Variants in NAA16 observed in about 807,000 individuals in gnomAD.
The protein encoded by NAA16 is N-alpha-acetyltransferase 16, NatA auxiliary subunit.
A neutral mutation model predicts 110.3 loss-of-function variants in NAA16; 97 were observed. The observed-to-expected ratio is 0.88, with a 90% CI of 0.75 to 1.04. NAA16 has a LOEUF of 1.04. Among genes scored for constraint, NAA16 ranks in the 50% least tolerant of loss-of-function variants. The probability of loss-of-function intolerance (pLI) is 0.00; values close to 1 mark genes in which losing one functional copy is unlikely to be tolerated. For synonymous variants in NAA16, 372 were observed against 330.6 expected (o/e 1.13, Z -1.36); for missense variants, 1,017 against 1,005.1 (o/e 1.01, Z -0.16).
chr13:41,321,264 T>G (rs1490607352), intron 4 of NAA16, among the ~76,000 whole-genome samples: 1 of 152,060 alleles, frequency 6.6e-6, no homozygotes, highest in Non-Finnish European at 1.5e-5. Flanking sequence ...GCTACTGCAC[T>G]CCAGCCTGGG....
chr13:41,363,627 T>A (rs2043155722), intron 13 of NAA16, among the ~76,000 whole-genome samples: 1 of 152,156 alleles, frequency 6.6e-6, no homozygotes, highest in African/African-American at 2.4e-5. Context: ...GGAAAAAAAT[T>A]CTGTAATGTC....
chr13:41,356,424 A>G (rs537458897), intron 10 of NAA16, among the ~76,000 whole-genome samples: 1 of 137,908 alleles, frequency 7.3e-6, no homozygotes, highest in African/African-American at 2.8e-5. Flanking sequence ...AAGTCATCGC[A>G]GTGCCATGTC....
chr13:41,321,445 G>C (rs2041944827), intron 4 of NAA16, among the ~76,000 whole-genome samples: 1 of 152,062 alleles, frequency 6.6e-6, no homozygotes, highest in Admixed American at 6.6e-5. Flanking sequence ...CCAAAGTTCT[G>C]GGATTACAGG....
intron 9 of NAA16, among the ~76,000 whole-genome samples, chr13:41,342,543 G>T (rs1424033164): frequency 6.6e-6 from 1 of 152,084 alleles, no homozygotes; most frequent in Non-Finnish European, 1.5e-5. Context: ...TTTTGATTGG[G>T]TCTCAATCCT....
At chr13:41,332,509 A>G (rs1053395788) in intron 8 of NAA16, among the ~76,000 whole-genome samples, 2 of 152,212 alleles carry the variant, frequency 1.3e-5, no homozygotes, top group African/African-American at 4.8e-5. Flanking sequence ...CGTAGACAGT[A>G]TATTAGCTCT....
chr13:41,370,178 A>G (rs2043288210), intron 15 of NAA16, among the ~76,000 whole-genome samples: 1 of 152,240 alleles, frequency 6.6e-6, no homozygotes, highest in South Asian at 2.1e-4. Context: ...TTGAGGGTCC[A>G]GCAAAGGATG....
At chr13:41,354,731 A>G (rs531135500) in intron 9 of NAA16, 1 of 154,734 alleles carries the variant, frequency 6.5e-6, no homozygotes, top group East Asian at 1.9e-4. Flanking sequence ...AGTACAATAC[A>G]ATTATTATAT....
intron 16 of NAA16, 55 bp downstream of exon 16, chr13:41,372,366 T>C (rs1466690393): frequency 1.3e-6 from 2 of 1,514,610 alleles, no homozygotes; most frequent in African/African-American, 2.8e-5. Flanking sequence ...GTGACCATAT[T>C]CAGTGTAATC....
At position 41,314,436 on chromosome 13, in the gene NAA16, T is replaced by C. The variant is rs530658506; in HGVS notation, c.55-2410T>C. Among the ~76,000 whole-genome samples, 3 of 152,108 alleles carry C rather than the reference T, an allele frequency of 2.0e-5. No individual in the cohort carries two copies. The East Asian group carries it at 5.8e-4, about 29-fold the overall frequency. ...TTTAAAATATTTTTGGAATAGGCAGTATATTCACATGGTTCAAAATTTAGG... is the reference window on the plus strand; with the variant it reads ...TTTAAAATATTTTTGGAATAGGCAGCATATTCACATGGTTCAAAATTTAGG... On this transcript the variant is annotated intron_variant, in intron 1 of 19. Transcript: ENST00000379406.
In NAA16 at chr13:41,374,847, T is replaced by G. The variant is rs1408011431; in HGVS notation, c.2397+8T>G. The G allele has an allele frequency of 6.4e-7, 1 of 1,565,776 alleles. No individual in the cohort carries two copies. Among genetic ancestry groups the G allele is most frequent in the Non-Finnish European group, 8.7e-7 (1 of 1,144,112 alleles). ...AAAGATAAAGATGTAAAGGTAAGTTTTTTTTCTTTGGCTGATTTATGCTTA... is the reference window on the plus strand; with the variant it reads ...AAAGATAAAGATGTAAAGGTAAGTTGTTTTTCTTTGGCTGATTTATGCTTA... On this transcript the variant is annotated splice_region_variant and intron_variant, in intron 19 of 19. Coordinates refer to ENST00000379406, the MANE Select transcript of NAA16 (RefSeq NM_024561.5).
At chr13:41,315,127 A>G (rs748762938) in intron 1 of NAA16, among the ~76,000 whole-genome samples, 1 of 152,226 alleles carries the variant, frequency 6.6e-6, no homozygotes, top group Non-Finnish European at 1.5e-5. Flanking sequence ...ATAGAGTAAC[A>G]TGGTAGAGAA....
intron 11 of NAA16, 63 bp downstream of exon 11, chr13:41,358,536 G>GT (rs2043043997): frequency 6.3e-7 from 1 of 1,584,978 alleles, no homozygotes; most frequent in Non-Finnish European, 8.6e-7. Context: ...AATCCTTGGA[G>GT]TTTTTTCTTT....
chr13:41,329,394 C>T (rs1467755725), intron 7 of NAA16, among the ~76,000 whole-genome samples: 1 of 151,602 alleles, frequency 6.6e-6, no homozygotes, highest in Non-Finnish European at 1.5e-5. Flanking sequence ...GTAATATTTT[C>T]ATAATTAAGT....
intron 1 of NAA16, among the ~76,000 whole-genome samples, chr13:41,315,867 T>C (rs1479086894): frequency 6.6e-6 from 1 of 152,028 alleles, no homozygotes; most frequent in Non-Finnish European, 1.5e-5. Context: ...CCTCGTGGGC[T>C]CAAGTGATCC....
chr13:41,350,132 A>C (rs1243334676), intron 9 of NAA16, among the ~76,000 whole-genome samples: 1 of 151,474 alleles, frequency 6.6e-6, no homozygotes, highest in African/African-American at 2.4e-5. Context: ...TCAGCCAAGT[A>C]CAGTGGCGCA....
rs753057104 is a variant in NAA16, at chr13:41,325,686, A to AT, written c.538-4dup. 44 of 1,527,896 alleles carry AT rather than the reference A, an allele frequency of 2.9e-5. 1 individual carries two copies. Among genetic ancestry groups the AT allele is most frequent in the Middle Eastern group, 1.8e-4 (1 of 5,662 alleles). The allele number at this position is 1,527,896 out of a possible 1,614,324, so 94.6% of individuals were successfully genotyped here. A position where few individuals can be genotyped will look rare whatever the true frequency, so the allele number is the denominator to read the frequency against. Reference sequence around the variant, plus strand: ...ATTATACAAATAAAGTAATTTGGTCATTTTTTTTCAGGTTCCTCCAAACAA... The same window carrying AT: ...ATTATACAAATAAAGTAATTTGGTCATTTTTTTTTCAGGTTCCTCCAAACAA... On this transcript the variant is annotated splice_polypyrimidine_tract_variant and intron_variant, in intron 5 of 19. Transcript: ENST00000379406.
At chr13:41,360,278 T>C (rs1370557275) in intron 12 of NAA16, among the ~76,000 whole-genome samples, 2 of 152,172 alleles carry the variant, frequency 1.3e-5, no homozygotes, top group Non-Finnish European at 2.9e-5. Context: ...AAGGAAATGC[T>C]CATTGGAGCA....
At position 41,325,788 on chromosome 13, in the gene NAA16, T is replaced by G; in HGVS notation, c.628T>G (p.Leu210Val). ...MREADLLQES[L>V]EHIEMYEKQI... The stretch of plus-strand genomic sequence containing the variant: ...AGAGGCAGATCTGTTGCAGGAATCT[T>G]TGGAACATATAGAAATGTATGAGAA... The change falls in exon 6 of 20, where the codon TTG (leucine) becomes GTG (valine). Residue 210 changes from leucine (L) to valine (V), a missense_variant. Transcript: ENST00000379406. The G allele has an allele frequency of 6.2e-7, 1 of 1,609,772 alleles. No homozygotes were observed. Among genetic ancestry groups the G allele is most frequent in the African/African-American group, 1.3e-5 (1 of 74,924 alleles).
At chr13:41,365,061 A>T (rs2139507647) in intron 13 of NAA16, among the ~76,000 whole-genome samples, 1 of 152,288 alleles carries the variant, frequency 6.6e-6, no homozygotes, top group Non-Finnish European at 1.5e-5. Flanking sequence ...CATGAGCTGT[A>T]TGTTAAGATT....
Sources: allele counts gnomAD v4.1 joint callset (sites outside exome capture counted in the v4.1 genomes callset), GRCh38; gene constraint gnomAD v4.1.1; transcripts MANE v1.5; gene names NCBI Gene and HGNC (gene_info 2026-07-23, HGNC 2026-07-21).